Variants in KIAA0513 observed in about 807,000 individuals in gnomAD.
The protein encoded by KIAA0513 is uncharacterized protein KIAA0513.
KIAA0513 carries 39 observed loss-of-function variants against 56.5 expected under a neutral mutation model. The observed-to-expected ratio is 0.69, with a 90% CI of 0.53 to 0.90. KIAA0513 has a LOEUF of 0.90. Among genes scored for constraint, KIAA0513 ranks in the 40% least tolerant of loss-of-function variants. The pLI, the probability that KIAA0513 is intolerant of heterozygous loss-of-function variation, is 0.00. For missense variants in KIAA0513, 591 were observed against 535.2 expected (o/e 1.10, Z -1.03); for synonymous variants, 268 against 215.6 (o/e 1.24, Z -2.13).
At chr16:85,028,119 A>C (rs113742022) in intron 1 of KIAA0513, among the ~76,000 whole-genome samples, 9,330 of 152,202 alleles carry the variant, frequency 0.061, 307 homozygotes, top group East Asian at 0.076. Context: ...CCGGGAGCCC[A>C]CGGGCGGAGG....
chr16:85,051,284 G>A (rs933426374), intron 1 of KIAA0513, among the ~76,000 whole-genome samples: 5 of 152,116 alleles, frequency 3.3e-5, no homozygotes, highest in African/African-American at 1.2e-4. Context: ...CTTTTTTTCT[G>A]TGAACTGTGA....
rs2073889750 is a variant in KIAA0513 at position 85,093,332 on chromosome 16, C to T, written c.*5007C>T. ...CATATCCAAGGGGAGAGACGATGGG[C>T]TGGGTTTGTTTACTCCAACTTCCCT... On this transcript the variant is annotated 3_prime_UTR_variant, in exon 13 of 13. Transcript: ENST00000683363. The T allele has an allele frequency of 6.6e-6, 1 of 152,176 alleles. No homozygotes were observed. The highest frequency in any genetic ancestry group is 2.1e-4 in the South Asian group (1 of 4,830). 9.4% of individuals were successfully genotyped at this position (152,176 alleles called of 1,614,324 possible).
chr16:85,060,679 T>TAAG (rs1214691963), intron 1 of KIAA0513, among the ~76,000 whole-genome samples: 1 of 151,224 alleles, frequency 6.6e-6, no homozygotes, highest in Non-Finnish European at 1.5e-5. Context: ...CCTTTATAAA[T>TAAG]AATAATAATA....
At chr16:85,070,342 A>T (rs1433778135) in intron 2 of KIAA0513, among the ~76,000 whole-genome samples, 1 of 152,134 alleles carries the variant, frequency 6.6e-6, no homozygotes, top group Admixed American at 6.5e-5. Context: ...GTGGTTAGAA[A>T]AGAGAACCGT....
In KIAA0513 at chr16:85,051,124, C is replaced by T. The variant is rs151093566; in HGVS notation, c.-172-15776C>T. ...TTGCACCACTGCACTTCAGCCTGGG[C>T]GACAGAGTGAGACCCTGTCTTAAAA... On this transcript the variant is annotated intron_variant, in intron 1 of 12. Coordinates refer to ENST00000683363, the MANE Select transcript of KIAA0513 (RefSeq NM_001388359.1). Among the ~76,000 whole-genome samples, 465 of 151,770 alleles carry T rather than the reference C, an allele frequency of 3.1e-3. 2 individuals are homozygous for T. The highest frequency in any genetic ancestry group is 0.01 in the African/African-American group (434 of 41,352).
At chr16:85,075,952 G>T in intron 5 of KIAA0513, 38 bp downstream of exon 5, 1 of 1,468,742 alleles carries the variant, frequency 6.8e-7, no homozygotes, top group Non-Finnish European at 9.5e-7. Flanking sequence ...CTCACCTGAG[G>T]CTAGTCTGCT....
Position 85,082,611 on chromosome 16 carries a change from A to G in KIAA0513, c.1010+18A>G. 6.2e-7 allele frequency: 1 copy of G among 1,613,816 alleles called. No homozygotes were observed. Among genetic ancestry groups the G allele is most frequent in the Non-Finnish European group, 8.5e-7 (1 of 1,179,826 alleles). On this transcript the variant is annotated intron_variant, in intron 10 of 12. Transcript: ENST00000683363. ...GAGAAGAGGTGTGTGTGTCCACGTG[A>G]CTTTGTTCCATTTTACAGTGCGGGC...
At chr16:85,083,711 C>T (rs1331362879) in intron 10 of KIAA0513, among the ~76,000 whole-genome samples, 1 of 152,198 alleles carries the variant, frequency 6.6e-6, no homozygotes, top group Non-Finnish European at 1.5e-5. Flanking sequence ...TAGCTCTGCA[C>T]CAGTGCACCA....
intron 4 of KIAA0513, among the ~76,000 whole-genome samples, chr16:85,075,422 C>T (rs903138112): frequency 3.9e-5 from 6 of 152,150 alleles, no homozygotes; most frequent in Admixed American, 6.5e-5. Context: ...ATGCTGTGGG[C>T]GGGAGCCTGA....
chr16:85,049,312 T>C (rs2073214900), intron 1 of KIAA0513, among the ~76,000 whole-genome samples: 1 of 152,204 alleles, frequency 6.6e-6, no homozygotes, highest in Admixed American at 6.5e-5. Context: ...TGCACAGCTG[T>C]TAGCTTTGGC....
rs2073654057 is a variant in KIAA0513, at chr16:85,076,240, A to G, written c.574+326A>G. 6.6e-6 allele frequency among the ~76,000 whole-genome samples: 1 copy of G among 152,190 alleles called. No homozygotes were observed. Among genetic ancestry groups the G allele is most frequent in the African/African-American group, 2.4e-5 (1 of 41,444 alleles). ...TCATGGTGGAAACAGGAACTGCTGGACATGAAGTTATCAGTTTTATGTTTT... is the reference window on the plus strand; with the variant it reads ...TCATGGTGGAAACAGGAACTGCTGGGCATGAAGTTATCAGTTTTATGTTTT... On this transcript the variant is annotated intron_variant, in intron 5 of 12. Coordinates refer to ENST00000683363, the MANE Select transcript of KIAA0513 (RefSeq NM_001388359.1). The surrounding 1 kb of genome is among the most constrained non-coding windows in gnomAD (Gnocchi z 4.7).
At chr16:85,057,858 C>T (rs1295952316) in intron 1 of KIAA0513, among the ~76,000 whole-genome samples, 1 of 150,460 alleles carries the variant, frequency 6.6e-6, no homozygotes, top group African/African-American at 2.5e-5. Flanking sequence ...GTAGGTCATT[C>T]TGTGTGGGAC....
chr16:85,086,800 AC>A (rs2073814755), intron 11 of KIAA0513, 76 bp downstream of exon 11: 1 of 1,320,216 alleles, frequency 7.6e-7, no homozygotes, highest in Admixed American at 2.0e-5. Context: ...CTGGTATCAC[AC>A]CCTGGGGTGT....
At chr16:85,051,956 C>A (rs1284972856) in intron 1 of KIAA0513, among the ~76,000 whole-genome samples, 1 of 151,834 alleles carries the variant, frequency 6.6e-6, no homozygotes, top group Non-Finnish European at 1.5e-5. Context: ...GCCTGGCCTC[C>A]TTTCATGATT....
At chr16:85,042,304 T>C (rs1272813317) in intron 1 of KIAA0513, among the ~76,000 whole-genome samples, 3 of 152,216 alleles carry the variant, frequency 2.0e-5, no homozygotes, top group African/African-American at 2.4e-5. Flanking sequence ...GCGGTCTGTG[T>C]GTCTTCCAAA....
At position 85,081,228 on chromosome 16, in the gene KIAA0513, T is replaced by A; in HGVS notation, c.903-87T>A. On this transcript the variant is annotated intron_variant, in intron 8 of 12. Transcript: ENST00000683363. The surrounding 1 kb of genome is among the most constrained non-coding windows in gnomAD (Gnocchi z 4.4). ...AGAAGCTCAGACAGATGTGAGACACTGCCCTTGTTTATCCCTCAAGGGGCC... is the reference window on the plus strand; with the variant it reads ...AGAAGCTCAGACAGATGTGAGACACAGCCCTTGTTTATCCCTCAAGGGGCC... 1 of 1,166,290 alleles carries A rather than the reference T, an allele frequency of 8.6e-7. No homozygotes were observed. Among genetic ancestry groups the A allele is most frequent in the Admixed American group, 1.7e-5 (1 of 59,166 alleles). The allele number at this position is 1,166,290 out of a possible 1,614,324, so 72.2% of individuals were successfully genotyped here.
At chr16:85,034,308 G>A (rs2073006084) in intron 1 of KIAA0513, among the ~76,000 whole-genome samples, 1 of 152,092 alleles carries the variant, frequency 6.6e-6, no homozygotes, top group Non-Finnish European at 1.5e-5. Context: ...TGAACCTGGG[G>A]GGTGGAGGCT....
intron 1 of KIAA0513, among the ~76,000 whole-genome samples, chr16:85,041,145 TC>T (rs1169930354): frequency 6.6e-6 from 1 of 152,202 alleles, no homozygotes; most frequent in Non-Finnish European, 1.5e-5. Flanking sequence ...GGGGAATACT[TC>T]CAAATAGAAA....
At chr16:85,071,196 T>G (rs1273590895) in intron 2 of KIAA0513, among the ~76,000 whole-genome samples, 1 of 152,096 alleles carries the variant, frequency 6.6e-6, no homozygotes, top group Non-Finnish European at 1.5e-5. Flanking sequence ...GTCCCCGGTC[T>G]CCATCCCTCT....
Sources: gnomAD v4.1 joint callset for allele counts (sites outside exome capture counted in the v4.1 genomes callset) on GRCh38, gnomAD v4.1.1 for gene constraint, Gnocchi (gnomAD v3.1) non-coding constraint, MANE v1.5 for transcripts, NCBI Gene and HGNC (gene_info 2026-07-23, HGNC 2026-07-21) for gene names.